Variants in C12orf42 observed in about 807,000 individuals in gnomAD.
The protein encoded by C12orf42 is uncharacterized protein C12orf42.
Under a neutral mutation model 21.6 loss-of-function variants are expected in C12orf42, and 25 were observed. That is an observed-to-expected ratio of 1.16 (90% confidence interval 0.84 to 1.62). The LOEUF (loss-of-function observed/expected upper bound fraction) is 1.62. C12orf42 is among the 40% of genes most tolerant of loss of function. The pLI, the probability that C12orf42 is intolerant of heterozygous loss-of-function variation, is 0.00. For missense variants in C12orf42, 483 were observed against 459.3 expected (o/e 1.05, Z -0.47); for synonymous variants, 174 against 175.0 (o/e 0.99, Z 0.05).
the C12orf42 span, among the ~76,000 whole-genome samples, chr12:103,094,397 T>G: frequency 9.2e-5 from 14 of 152,322 alleles, no homozygotes; most frequent in African/African-American, 3.4e-4. Flanking sequence ...CATTCCTGAA[T>G]TGTCTTAATC....
chr12:103,529,303 G>C, the C12orf42 span, among the ~76,000 whole-genome samples: 2 of 152,152 alleles, frequency 1.3e-5, no homozygotes, highest in African/African-American at 4.8e-5. Context: ...CCATAGGATT[G>C]CTTTTAAATA....
At chr12:103,426,173 G>C (rs1270884819) in intron 2 of C12orf42, among the ~76,000 whole-genome samples, 1 of 152,140 alleles carries the variant, frequency 6.6e-6, no homozygotes, top group Non-Finnish European at 1.5e-5. Flanking sequence ...CGAGCTAAAG[G>C]AGCATGTTCT....
chr12:103,205,129 G>T, the C12orf42 span, among the ~76,000 whole-genome samples: 3 of 152,156 alleles, frequency 2.0e-5, no homozygotes, highest in African/African-American at 7.2e-5. Flanking sequence ...ATCAAAAATA[G>T]TAAGTGTTGA....
chr12:103,465,854 T>A (rs1953082538), intron 2 of C12orf42, among the ~76,000 whole-genome samples: 1 of 152,212 alleles, frequency 6.6e-6, no homozygotes, highest in South Asian at 2.1e-4. Context: ...ATTGAGATAA[T>A]CATGTGGTTT....
At chr12:103,089,870 AG>A in the C12orf42 span, among the ~76,000 whole-genome samples, 3 of 152,136 alleles carry the variant, frequency 2.0e-5, no homozygotes, top group African/African-American at 7.2e-5. Context: ...CCTGAAGGTG[AG>A]GGTCAGTATT....
chr12:103,152,672 A>G, the C12orf42 span, among the ~76,000 whole-genome samples: 1 of 151,946 alleles, frequency 6.6e-6, no homozygotes, highest in Non-Finnish European at 1.5e-5. Flanking sequence ...AACGACAATA[A>G]TTTTTTTTCT....
chr12:103,442,609 C>T (rs1951320310), intron 2 of C12orf42, among the ~76,000 whole-genome samples: 1 of 152,146 alleles, frequency 6.6e-6, no homozygotes, highest in South Asian at 2.1e-4. Flanking sequence ...TATTCCCATC[C>T]TGATATACAC....
At chr12:103,418,151 C>T (rs996238487) in intron 2 of C12orf42, among the ~76,000 whole-genome samples, 1 of 152,076 alleles carries the variant, frequency 6.6e-6, no homozygotes, top group Admixed American at 6.5e-5. Flanking sequence ...ACTACCTAAC[C>T]AAATCCTCCT....
the C12orf42 span, among the ~76,000 whole-genome samples, chr12:103,079,545 A>G: frequency 1.3e-5 from 2 of 152,220 alleles, no homozygotes; most frequent in Non-Finnish European, 2.9e-5. Context: ...TGTGGTATGC[A>G]TTTGTCATGT....
At chr12:103,110,559 G>A in the C12orf42 span, among the ~76,000 whole-genome samples, 1 of 152,118 alleles carries the variant, frequency 6.6e-6, no homozygotes, top group Non-Finnish European at 1.5e-5. Flanking sequence ...TGGGTACAAA[G>A]AAGTTTGATA....
At chr12:103,534,183 T>C in the C12orf42 span, among the ~76,000 whole-genome samples, 1 of 152,258 alleles carries the variant, frequency 6.6e-6, no homozygotes, top group Non-Finnish European at 1.5e-5. Context: ...ATTTGATGGC[T>C]ATTTAAAATT....
chr12:103,109,354 C>A, the C12orf42 span, among the ~76,000 whole-genome samples: 3 of 151,656 alleles, frequency 2.0e-5, no homozygotes, highest in Non-Finnish European at 2.9e-5. Flanking sequence ...CACGGGTGTG[C>A]GTGTGTGTGT....
chr12:103,205,493 T>A, the C12orf42 span, among the ~76,000 whole-genome samples: 2 of 152,152 alleles, frequency 1.3e-5, no homozygotes, highest in Admixed American at 1.3e-4. Context: ...CTTGCCCCCA[T>A]GATTCAATTA....
rs1459654899 is a variant in C12orf42 at position 103,302,148 on chromosome 12, T to G, written c.1043A>C (p.Gln348Pro). Residue 348 changes from glutamine (Q) to proline (P), a missense_variant, in exon 6 of 6, where the codon CAG becomes CCG. Transcript: ENST00000548883. ...PTRRFHTVCS[Q>P]ALSRPVVNAH... Reference sequence around the variant, plus strand: ...ATTCACCACCGGCCTAGAAAGGGCCTGTGAACAAACCGTATGGAAACGCCG... The same window carrying G: ...ATTCACCACCGGCCTAGAAAGGGCCGGTGAACAAACCGTATGGAAACGCCG... The G allele has an allele frequency of 6.2e-7, 1 of 1,612,762 alleles. No individual in the cohort carries two copies. The highest frequency in any genetic ancestry group is 1.1e-5 in the South Asian group (1 of 90,860).
the C12orf42 span, among the ~76,000 whole-genome samples, chr12:103,156,637 C>A: frequency 1.3e-5 from 2 of 152,088 alleles, no homozygotes; most frequent in Non-Finnish European, 2.9e-5. Context: ...CATCCCCGAC[C>A]CCACAACAGG....
chr12:103,164,598 T>C, the C12orf42 span: 1 of 417,198 alleles, frequency 2.4e-6, no homozygotes, highest in Non-Finnish European at 4.8e-6. Context: ...GAAATTTACA[T>C]AGTATATCAA....
the C12orf42 span, among the ~76,000 whole-genome samples, chr12:103,156,885 T>C: frequency 6.6e-6 from 1 of 152,180 alleles, no homozygotes; most frequent in Non-Finnish European, 1.5e-5. Context: ...TGATGGGCAT[T>C]TGGGTTGGTT....
chr12:103,485,812 A>G (rs1954794608), intron 1 of C12orf42, among the ~76,000 whole-genome samples: 1 of 152,128 alleles, frequency 6.6e-6, no homozygotes, highest in African/African-American at 2.4e-5. Context: ...TGATTTTTGC[A>G]CATTGGTTTT....
the C12orf42 span, among the ~76,000 whole-genome samples, chr12:103,097,811 C>T: frequency 6.6e-5 from 10 of 152,320 alleles, no homozygotes; most frequent in African/African-American, 1.2e-4. Flanking sequence ...CAAAGAAATG[C>T]GCTGCAAAGC....
Sources: allele counts gnomAD v4.1 joint callset (sites outside exome capture counted in the v4.1 genomes callset), GRCh38; gene constraint gnomAD v4.1.1; transcripts MANE v1.5; gene names NCBI Gene and HGNC (gene_info 2026-07-23, HGNC 2026-07-21).